The following FCAR variants were observed in gnomAD, a reference collection of about 807,000 sequenced individuals.
FCAR encodes immunoglobulin alpha Fc receptor.
FCAR carries 21 observed loss-of-function variants against 27.1 expected under a neutral mutation model. That is an observed-to-expected ratio of 0.77 (90% confidence interval 0.55 to 1.11). The LOEUF (loss-of-function observed/expected upper bound fraction) is 1.11, where lower values mean the gene tolerates loss of function less well. Among genes scored for constraint, FCAR ranks in the 50% most tolerant of loss-of-function variants. FCAR has a pLI of 0.00. For synonymous variants in FCAR, 134 were observed against 135.8 expected (o/e 0.99, Z 0.09); for missense variants, 404 against 358.4 (o/e 1.13, Z -1.03).
intron 2 of FCAR, among the ~76,000 whole-genome samples, chr19:54,880,024 GA>G (rs2066325868): frequency 6.6e-6 from 1 of 151,976 alleles, no homozygotes; most frequent in Non-Finnish European, 1.5e-5. Context: ...AGAATCTGAT[GA>G]TTTTGTGTCT....
At position 54,888,167 on chromosome 19, in the gene FCAR, C is replaced by G. The variant is rs1247054256; in HGVS notation, c.522C>G (p.His174Gln). 6.2e-7 allele frequency: 1 copy of G among 1,614,172 alleles called. No individual in the cohort carries two copies. Residue 174 changes from histidine to glutamine, a missense_variant, in exon 4 of 5, where the codon CAC becomes CAG. His to Gln is a conservative substitution (Grantham distance 24, BLOSUM62 0). Transcript: ENST00000355524. ...LSLPQHQSGE[H>Q]PANFSLGPVD... The stretch of plus-strand genomic sequence containing the variant: ...TGCCACAGCACCAAAGTGGGGAACA[C>G]CCGGCCAACTTCTCTTTGGGTCCTG...
At chr19:54,887,014 G>T (rs2066770101) in intron 3 of FCAR, among the ~76,000 whole-genome samples, 2 of 71,782 alleles carry the variant, frequency 2.8e-5, no homozygotes, top group African/African-American at 8.4e-5. Flanking sequence ...GCTCGTGCCT[G>T]TAATCCCAGC....
intron 2 of FCAR, among the ~76,000 whole-genome samples, chr19:54,877,354 C>G (rs796712905): frequency 2.2e-4 from 34 of 152,176 alleles, no homozygotes; most frequent in African/African-American, 7.5e-4. Flanking sequence ...AGGAATTTCT[C>G]CATTTATTCT....
chr19:54,888,619 C>T (rs2066892137), intron 4 of FCAR: 3 of 782,102 alleles, frequency 3.8e-6, no homozygotes, highest in East Asian at 7.9e-5. Flanking sequence ...ACGATCTCGA[C>T]TCACTGCAAC....
In FCAR at chr19:54,878,751, A is replaced by ATTTTTT. The variant is rs57738807; in HGVS notation, c.70+3396_70+3401dup. The stretch of plus-strand genomic sequence containing the variant: ...CTGAAATTTTAATAGCAGCTCCTGC[A>ATTTTTT]TTTTTTTTTTTTTTTGGCTTTCCAT... On this transcript the variant is annotated intron_variant, in intron 2 of 4. Coordinates refer to ENST00000355524, the MANE Select transcript of FCAR (RefSeq NM_002000.4). 3.1e-3 allele frequency among the ~76,000 whole-genome samples: 371 copies of ATTTTTT among 121,602 alleles called. 6 individuals are homozygous for ATTTTTT. The highest frequency in any genetic ancestry group is 0.011 in the African/African-American group (341 of 32,112). The allele number at this position is 121,602 out of a possible 152,430, so 79.8% of individuals were successfully genotyped here.
intron 3 of FCAR, among the ~76,000 whole-genome samples, chr19:54,886,297 CTTTATTTTTTTTTT>C (rs2066720631): frequency 1.2e-5 from 1 of 80,088 alleles, no homozygotes; most frequent in African/African-American, 5.7e-5. Context: ...TGTCATGTAT[CTTTATTTTTTTTTT>C]TTTTTTTTTT....
chr19:54,885,255 A>T lies in FCAR; in HGVS notation c.91A>T (p.Ile31Leu), dbSNP rs369451126. Residue 31 changes from isoleucine (I) to leucine (L), a missense_variant, in exon 3 of 5, where the codon ATA becomes TTA. By Grantham distance (5) the Ile-to-Leu change is conservative (BLOSUM62 2). Coordinates refer to ENST00000355524, the MANE Select transcript of FCAR (RefSeq NM_002000.4). ...AQEGDFPMPF[I>L]SAKSSPVIPL... ...TCCAGGGGACTTTCCCATGCCTTTC[A>T]TATCTGCCAAATCGAGTCCTGTGAT... 6.2e-7 allele frequency: 1 copy of T among 1,613,362 alleles called. No individual in the cohort carries two copies. The highest frequency in any genetic ancestry group is 1.7e-5 in the Admixed American group (1 of 59,974).
intron 2 of FCAR, among the ~76,000 whole-genome samples, chr19:54,882,397 G>A (rs923395958): frequency 4.6e-5 from 7 of 151,646 alleles, no homozygotes; most frequent in Non-Finnish European, 1.0e-4. Flanking sequence ...GGGAACTATC[G>A]AGTTGCCAGA....
intron 2 of FCAR, 69 bp from the exon 3 acceptor site, chr19:54,885,166 C>A: frequency 2.2e-6 from 3 of 1,373,402 alleles, no homozygotes; most frequent in Middle Eastern, 2.4e-4. Flanking sequence ...TTTTACTTCT[C>A]CCACAGAGAA....
chr19:54,881,799 T>G (rs971793295), intron 2 of FCAR, among the ~76,000 whole-genome samples: 13 of 152,004 alleles, frequency 8.6e-5, no homozygotes, highest in African/African-American at 1.2e-4. Context: ...GAGAATGGTG[T>G]GAACCCGGGA....
chr19:54,889,611 AACC>A (rs756644555), intron 4 of FCAR, 35 bp from the exon 5 acceptor site: 1 of 1,548,880 alleles, frequency 6.5e-7, no homozygotes, highest in Middle Eastern at 1.7e-4. Context: ...AATGGAACAC[AACC>A]ACCAACCATT....
intron 2 of FCAR, among the ~76,000 whole-genome samples, chr19:54,879,801 A>G (rs2066309626): frequency 6.6e-6 from 1 of 151,302 alleles, no homozygotes. Flanking sequence ...CTCCTGCCTC[A>G]GCCTCCCCAG....
At chr19:54,882,192 T>G (rs950594070) in intron 2 of FCAR, among the ~76,000 whole-genome samples, 1 of 152,204 alleles carries the variant, frequency 6.6e-6, no homozygotes, top group African/African-American at 2.4e-5. Context: ...GTCTGATGGC[T>G]GTGGCATAAT....
At chr19:54,883,081 A>G (rs2066513536) in intron 2 of FCAR, among the ~76,000 whole-genome samples, 1 of 151,918 alleles carries the variant, frequency 6.6e-6, no homozygotes, top group African/African-American at 2.4e-5. Context: ...ATCTCGGCTC[A>G]CTGCAGCCTC....
In FCAR at chr19:54,890,070, C is replaced by T. The variant is rs1225007060; in HGVS notation, c.*207C>T. The T allele has an allele frequency of 8.5e-6, 5 of 587,510 alleles. No homozygotes were observed. In the African/African-American group the frequency reaches 9.4e-5, roughly 11 times the overall value. 36.4% of individuals were successfully genotyped at this position (587,510 alleles called of 1,614,324 possible). A position where few individuals can be genotyped will look rare whatever the true frequency, so the allele number is the denominator to read the frequency against. Reference sequence around the variant, plus strand: ...TTGGGTTCAAGTGATTCTTGTGCCTCAGCCTCCCAAGTAGCTGGAATTACA... The same window carrying T: ...TTGGGTTCAAGTGATTCTTGTGCCTTAGCCTCCCAAGTAGCTGGAATTACA... On this transcript the variant is annotated 3_prime_UTR_variant, in exon 5 of 5. Transcript: ENST00000355524.
At chr19:54,874,696 G>C (rs1370169658) in intron 1 of FCAR, among the ~76,000 whole-genome samples, 1 of 152,032 alleles carries the variant, frequency 6.6e-6, no homozygotes, top group African/African-American at 2.4e-5. Flanking sequence ...TAGAAATATG[G>C]TTACTAGTAT....
chr19:54,882,520 C>A (rs905009708), intron 2 of FCAR, among the ~76,000 whole-genome samples: 2 of 151,700 alleles, frequency 1.3e-5, no homozygotes, highest in African/African-American at 4.8e-5. Context: ...ACTGCTGCAA[C>A]CTTCACCTCC....
At chr19:54,883,798 C>CA (rs929322742) in intron 2 of FCAR, among the ~76,000 whole-genome samples, 11 of 150,994 alleles carry the variant, frequency 7.3e-5, no homozygotes, top group South Asian at 4.2e-4. Flanking sequence ...ACTAAAAATA[C>CA]AAAAAAAAAT....
Position 54,885,256 on chromosome 19 carries a change from T to C in FCAR, c.92T>C (p.Ile31Thr), listed in dbSNP as rs780317468. ...AQEGDFPMPF[I>T]SAKSSPVIPL... Reference sequence around the variant, plus strand: ...CCAGGGGACTTTCCCATGCCTTTCATATCTGCCAAATCGAGTCCTGTGATT... The same window carrying C: ...CCAGGGGACTTTCCCATGCCTTTCACATCTGCCAAATCGAGTCCTGTGATT... The change falls in exon 3 of 5, where the codon ATA becomes ACA. Residue 31 changes from isoleucine to threonine, a missense_variant. Transcript: ENST00000355524. 1 of 1,613,490 alleles carries C rather than the reference T, an allele frequency of 6.2e-7. No homozygotes were observed. Among genetic ancestry groups the C allele is most frequent in the Non-Finnish European group, 8.5e-7 (1 of 1,179,512 alleles).
Sources: allele counts gnomAD v4.1 joint callset (sites outside exome capture counted in the v4.1 genomes callset), GRCh38; gene constraint gnomAD v4.1.1; transcripts MANE v1.5; gene names NCBI Gene and HGNC (gene_info 2026-07-23, HGNC 2026-07-21).